Variants in PRDM5 observed in about 807,000 individuals in gnomAD.
PRDM5 encodes the protein PR/SET domain 5.
Under a neutral mutation model 81.2 loss-of-function variants are expected in PRDM5, and 56 were observed. That is an observed-to-expected ratio of 0.69 (90% CI 0.56 to 0.86). PRDM5 has a LOEUF of 0.86. Ranked by LOEUF, PRDM5 falls within the 40% of genes least tolerant of loss-of-function variation. The pLI, the probability that PRDM5 is intolerant of heterozygous loss-of-function variation, is 0.00. For missense variants in PRDM5, 697 were observed against 770.1 expected, an observed-to-expected ratio of 0.91 and a Z score of 1.12; for synonymous variants, 267 against 256.4, an observed-to-expected ratio of 1.04 and a Z score of -0.39.
intron 13 of PRDM5, 36 bp downstream of exon 13, chr4:120,777,152 G>A: frequency 6.2e-7 from 1 of 1,612,844 alleles, no homozygotes; most frequent in Non-Finnish European, 8.5e-7. Context: ...ATTTCTCTAA[G>A]TGGTTTTTTC....
chr4:120,802,273 A>G (rs990563559), intron 8 of PRDM5, among the ~76,000 whole-genome samples: 3 of 152,236 alleles, frequency 2.0e-5, no homozygotes, highest in African/African-American at 7.2e-5. Context: ...TAAAGAGGGC[A>G]GTTCCAAGAT....
intron 13 of PRDM5, among the ~76,000 whole-genome samples, chr4:120,757,867 T>C (rs1745005071): frequency 6.7e-6 from 1 of 149,888 alleles, no homozygotes; most frequent in Non-Finnish European, 1.5e-5. Flanking sequence ...CTCCTTCTTC[T>C]TCTTTCTCTT....
Position 120,892,201 on chromosome 4 carries a change from T to C in PRDM5, c.177+15273A>G, listed in dbSNP as rs1484069457. Among the ~76,000 whole-genome samples, 18 of 152,192 alleles carry C rather than the reference T, an allele frequency of 1.2e-4. 1 individual carries two copies. The stretch of plus-strand genomic sequence containing the variant: ...TTTGCTATGATTTTAGGGTTTTTTT[T>C]TCTTTTTTAATTTGCTGAGGATTGT... On this transcript the variant is annotated intron_variant, in intron 2 of 15. Transcript: ENST00000264808.
intron 2 of PRDM5, among the ~76,000 whole-genome samples, chr4:120,870,819 C>T (rs1761709917): frequency 6.6e-6 from 1 of 152,140 alleles, no homozygotes; most frequent in Admixed American, 6.5e-5. Context: ...GCAGTCAGGA[C>T]AGAGTTTCAG....
rs554715171 is a variant in PRDM5, at chr4:120,874,962, C to T, written c.178-21422G>A. Among the ~76,000 whole-genome samples, 7 of 152,268 alleles carry T rather than the reference C, an allele frequency of 4.6e-5. No homozygotes were observed. The South Asian group carries it at 8.3e-4, about 18-fold the overall frequency. On this transcript the variant is annotated intron_variant, in intron 2 of 15. Transcript: ENST00000264808. ...AGGCTCCTGTTCTAAGTGTGGTCTGCGTGCCAGCTGCATAATCACCTGGCC... is the reference window on the plus strand; with the variant it reads ...AGGCTCCTGTTCTAAGTGTGGTCTGTGTGCCAGCTGCATAATCACCTGGCC...
chr4:120,798,167 T>A, intron 10 of PRDM5, 100 bp downstream of exon 10: 1 of 864,044 alleles, frequency 1.2e-6, no homozygotes, highest in Non-Finnish European at 1.7e-6. Context: ...TTGCATTATA[T>A]ACAGTAGGCC....
At chr4:120,805,277 G>A (rs1157121873) in intron 8 of PRDM5, among the ~76,000 whole-genome samples, 1 of 152,168 alleles carries the variant, frequency 6.6e-6, no homozygotes, top group African/African-American at 2.4e-5. Context: ...GAGGTACAAG[G>A]AGGAGCTGGT....
chr4:120,846,841 A>G (rs552784588), intron 3 of PRDM5, among the ~76,000 whole-genome samples: 1 of 152,292 alleles, frequency 6.6e-6, no homozygotes, highest in South Asian at 2.1e-4. Context: ...TAGTATCTCC[A>G]GTGCTCAGCA....
intron 10 of PRDM5, among the ~76,000 whole-genome samples, chr4:120,787,186 T>C (rs1192663693): frequency 6.6e-6 from 1 of 152,146 alleles, no homozygotes; most frequent in Admixed American, 6.6e-5. Flanking sequence ...GAAGGTGACC[T>C]ATGAGATAAG....
rs530714266 is a variant in PRDM5 at position 120,794,832 on chromosome 4, G to A, written c.1188+3435C>T. ...GTAGAGATGGCATTTTGCCATGTTG[G>A]CCAGGCTGGTCTTGAACTCCGGACC... On this transcript the variant is annotated intron_variant, in intron 10 of 15. Coordinates refer to ENST00000264808, the MANE Select transcript of PRDM5 (RefSeq NM_018699.4). Among the ~76,000 whole-genome samples the A allele has an allele frequency of 6.7e-3, 1,019 of 152,076 alleles. 6 individuals carry two copies. The highest frequency in any genetic ancestry group is 0.012 in the Non-Finnish European group (782 of 67,974).
chr4:120,892,430 T>C (rs1047776749), intron 2 of PRDM5, among the ~76,000 whole-genome samples: 1 of 152,202 alleles, frequency 6.6e-6, no homozygotes, highest in Non-Finnish European at 1.5e-5. Context: ...CCCAGTATTA[T>C]TGTGTGGTTA....
chr4:120,887,786 C>CTTTTTTTTT (rs773355512), intron 2 of PRDM5, among the ~76,000 whole-genome samples: 2 of 85,184 alleles, frequency 2.3e-5, no homozygotes, highest in Non-Finnish European at 4.1e-5. Flanking sequence ...ACATTTTATC[C>CTTTTTTTTT]TTTTTTTTTT....
Position 120,786,345 on chromosome 4 carries a change from T to G in PRDM5, c.1189-1254A>C, listed in dbSNP as rs61548510. Among the ~76,000 whole-genome samples the G allele has an allele frequency of 8.7e-3, 1,323 of 152,236 alleles. 21 individuals carry two copies. The highest frequency in any genetic ancestry group is 0.03 in the African/African-American group (1,251 of 41,550). On this transcript the variant is annotated intron_variant, in intron 10 of 15. Transcript: ENST00000264808. ...AGGATAAATCACAGATAATCTAATG[T>G]GCTATTTACCCAAAGAAATTAAAAT...
rs577055112 is a variant in PRDM5 at position 120,808,133 on chromosome 4, G to A, written c.945+3237C>T. Among the ~76,000 whole-genome samples the A allele has an allele frequency of 1.0e-3, 159 of 152,294 alleles. 2 individuals are homozygous for A. The highest frequency in any genetic ancestry group is 2.8e-3 in the African/African-American group (117 of 41,572). The stretch of plus-strand genomic sequence containing the variant: ...AAAAGAACAAAGCTTCCACAGTGTG[G>A]AAGGGGACCTGAGCGGGTTGCCACT... On this transcript the variant is annotated intron_variant, in intron 8 of 15. Coordinates refer to ENST00000264808, the MANE Select transcript of PRDM5 (RefSeq NM_018699.4).
At chr4:120,830,358 G>A (rs1010552918) in intron 3 of PRDM5, among the ~76,000 whole-genome samples, 5 of 151,930 alleles carry the variant, frequency 3.3e-5, no homozygotes, top group African/African-American at 9.7e-5. Context: ...TTTGGCCGCC[G>A]CTCTCTTTCC....
At chr4:120,907,884 C>T (rs1174639719) in intron 1 of PRDM5, among the ~76,000 whole-genome samples, 1 of 152,182 alleles carries the variant, frequency 6.6e-6, no homozygotes, top group Non-Finnish European at 1.5e-5. Flanking sequence ...TTGAAAAAAG[C>T]ACTGAGTTTT....
intron 2 of PRDM5, chr4:120,896,681 ACACACAC>A (rs1764652656): frequency 7.2e-6 from 1 of 138,134 alleles, no homozygotes. Flanking sequence ...ACACACACAC[ACACACAC>A]ATAATTTTTT....
At chr4:120,917,389 C>T (rs1724307117) in intron 1 of PRDM5, among the ~76,000 whole-genome samples, 1 of 152,278 alleles carries the variant, frequency 6.6e-6, no homozygotes, top group African/African-American at 2.4e-5. Context: ...CACCCACACA[C>T]CTTTTCTGCC....
intron 14 of PRDM5, among the ~76,000 whole-genome samples, chr4:120,715,696 G>A (rs1279468137): frequency 6.6e-6 from 1 of 152,134 alleles, no homozygotes; most frequent in Non-Finnish European, 1.5e-5. Context: ...TGAAGTATAT[G>A]AGAAGAAACA....
Sources: gnomAD v4.1 joint callset for allele counts (sites outside exome capture counted in the v4.1 genomes callset) on GRCh38, gnomAD v4.1.1 for gene constraint, MANE v1.5 for transcripts, NCBI Gene and HGNC (gene_info 2026-07-23, HGNC 2026-07-21) for gene names.